CD79A: variants seen among roughly 807,000 people sequenced by gnomAD.
The protein encoded by CD79A is CD79a molecule.
Under a neutral mutation model 27.4 loss-of-function variants are expected in CD79A, and 16 were observed. The observed-to-expected ratio is 0.58, with a 90% CI of 0.40 to 0.89. The LOEUF is 0.89. CD79A is among the 40% of genes least tolerant of loss of function. CD79A has a pLI of 0.00. For missense variants in CD79A, 237 were observed against 299.7 expected (o/e 0.79, Z 1.55); for synonymous variants, 110 against 132.7 (o/e 0.83, Z 1.18).
chr19:41,881,007 C>T lies in CD79A; in HGVS notation c.*27C>T, dbSNP rs552468852. On this transcript the variant is annotated 3_prime_UTR_variant, in exon 5 of 5. Coordinates refer to ENST00000221972, the MANE Select transcript of CD79A (RefSeq NM_001783.4). ...ACCCCTACTCCTGCCAGGCTGCCCC[C>T]GCCTGCTGTGCACCCAGCTCCAGTG... 44 of 1,358,606 alleles carry T rather than the reference C, an allele frequency of 3.2e-5. No homozygotes were observed. Among genetic ancestry groups the T allele is most frequent in the African/African-American group, 8.6e-5 (6 of 70,020 alleles). 84.2% of individuals were successfully genotyped at this position (1,358,606 alleles called of 1,614,324 possible).
chr19:41,879,497 G>T lies in CD79A; in HGVS notation c.380-38G>T. The T allele has an allele frequency of 6.8e-7, 1 of 1,479,632 alleles. No individual in the cohort carries two copies. The highest frequency in any genetic ancestry group is 9.3e-7 in the Non-Finnish European group (1 of 1,071,454). 91.7% of individuals were successfully genotyped at this position (1,479,632 alleles called of 1,614,324 possible). On this transcript the variant is annotated intron_variant, in intron 2 of 4. Transcript: ENST00000221972. This position sits in a 1 kb window ranked among gnomAD's most constrained non-coding sequence, Gnocchi z 5.1. ...GGGGCCAGGAGGCTAGGGAGGGCAA[G>T]AGGGGCCAGGGCTCTGAGCCATACT...
At position 41,880,826 on chromosome 19, in the gene CD79A, G is replaced by A. The variant is rs782310133; in HGVS notation, c.568-41G>A. The A allele has an allele frequency of 7.9e-6, 12 of 1,527,206 alleles. 1 individual carries two copies. The South Asian group carries it at 1.4e-4, about 18-fold the overall frequency. The allele number at this position is 1,527,206 out of a possible 1,614,324, so 94.6% of individuals were successfully genotyped here. A position where few individuals can be genotyped will look rare whatever the true frequency, so the allele number is the denominator to read the frequency against. Reference sequence around the variant, plus strand: ...GGGTGGCTGGGGGCAGGGACCCCAGGTGTCAGGGTGCTGATGTTCGCTGCC... The same window carrying A: ...GGGTGGCTGGGGGCAGGGACCCCAGATGTCAGGGTGCTGATGTTCGCTGCC... On this transcript the variant is annotated intron_variant, in intron 4 of 4. Transcript: ENST00000221972.
At chr19:41,880,495 AGG>A (rs2074216944) in intron 3 of CD79A, among the ~76,000 whole-genome samples, 173 bp from the exon 4 acceptor site, 1 of 149,980 alleles carries the variant, frequency 6.7e-6, no homozygotes, top group African/African-American at 2.5e-5. Context: ...GAAGGAAGGA[AGG>A]AAGGAAGGAG....
rs2074195218 is a variant in CD79A at position 41,877,426 on chromosome 19, CTG to C, written c.79+46_79+47del. On this transcript the variant is annotated intron_variant, in intron 1 of 4. Transcript: ENST00000221972. The surrounding 1 kb of genome is among the most constrained non-coding windows in gnomAD (Gnocchi z 4.1). Reference sequence around the variant, plus strand: ...AGGAACTGGCGGGAGGTGGGGGAAGCTGTGGAGGCTGCAGAGAGGGCACAGGC... The same window carrying C: ...AGGAACTGGCGGGAGGTGGGGGAAGCTGGAGGCTGCAGAGAGGGCACAGGC... 1 of 1,523,436 alleles carries C rather than the reference CTG, an allele frequency of 6.6e-7. No homozygotes were observed. The highest frequency in any genetic ancestry group is 9.1e-7 in the Non-Finnish European group (1 of 1,097,460). 94.4% of individuals were successfully genotyped at this position (1,523,436 alleles called of 1,614,324 possible). A position where few individuals can be genotyped will look rare whatever the true frequency, so the allele number is the denominator to read the frequency against.
chr19:41,879,538 C>A lies in CD79A; in HGVS notation c.383C>A (p.Pro128Gln). Residue 128 changes from proline to glutamine, a missense_variant, in exon 3 of 5, where the codon CCG becomes CAG. Physicochemically the swap from Pro to Gln is moderately conservative, Grantham distance 76 (BLOSUM62 -1). Coordinates refer to ENST00000221972, the MANE Select transcript of CD79A (RefSeq NM_001783.4). The surrounding 1 kb of genome is among the most constrained non-coding windows in gnomAD (Gnocchi z 5.1). ...GAGCCATACTACCTCCTTGCAGAGC[C>A]GCCCCCCAGGCCCTTCCTGGACATG... ...SCGTYLRVRQ[P>Q]PPRPFLDMGE... The A allele has an allele frequency of 6.2e-7, 1 of 1,602,856 alleles. No homozygotes were observed. Among genetic ancestry groups the A allele is most frequent in the Non-Finnish European group, 8.5e-7 (1 of 1,173,362 alleles).
Position 41,881,197 on chromosome 19 carries a change from C to T in CD79A, c.*217C>T, listed in dbSNP as rs888103281. 1 of 610,910 alleles carries T rather than the reference C, an allele frequency of 1.6e-6. No homozygotes were observed. Among genetic ancestry groups the T allele is most frequent in the East Asian group, 2.8e-5 (1 of 36,046 alleles). 37.8% of individuals were successfully genotyped at this position (610,910 alleles called of 1,614,324 possible). ...CTCTTCTTCCCTCTAAACTGCCCCACCTCCTAACCTAATCCCCCCGCCCCG... is the reference window on the plus strand; with the variant it reads ...CTCTTCTTCCCTCTAAACTGCCCCATCTCCTAACCTAATCCCCCCGCCCCG... On this transcript the variant is annotated 3_prime_UTR_variant, in exon 5 of 5. Transcript: ENST00000221972.
Position 41,881,109 on chromosome 19 carries a change from G to A in CD79A, c.*129G>A. On this transcript the variant is annotated 3_prime_UTR_variant, in exon 5 of 5. Coordinates refer to ENST00000221972, the MANE Select transcript of CD79A (RefSeq NM_001783.4). The stretch of plus-strand genomic sequence containing the variant: ...CTTAGTCATATTCCCCCAGTGGGGG[G>A]TGGGAGGGTAACCTCACTCTTCTCC... 1 of 724,324 alleles carries A rather than the reference G, an allele frequency of 1.4e-6. No homozygotes were observed. Among genetic ancestry groups the A allele is most frequent in the East Asian group, 2.7e-5 (1 of 37,290 alleles). The allele number at this position is 724,324 out of a possible 1,614,324, so 44.9% of individuals were successfully genotyped here. A position where few individuals can be genotyped will look rare whatever the true frequency, so the allele number is the denominator to read the frequency against.
chr19:41,879,167 AC>A lies in CD79A; in HGVS notation c.261del (p.Asn88MetfsTer4). ...CCTGAGTTCTTGGGCCCGGGCGAGGACCCCAATGGTACGCTGATCATCCAGA... is the reference window on the plus strand; with the variant it reads ...CCTGAGTTCTTGGGCCCGGGCGAGGACCCAATGGTACGCTGATCATCCAGA... ...WPPEFLGPGE[D>X]PNGTLIIQNV... On this transcript the variant is annotated frameshift_variant, in exon 2 of 5. Transcript: ENST00000221972. LOFTEE classifies it high-confidence loss of function. This position sits in a 1 kb window ranked among gnomAD's most constrained non-coding sequence, Gnocchi z 5.1. 6.2e-7 allele frequency: 1 copy of A among 1,613,618 alleles called. No individual in the cohort carries two copies. The highest frequency in any genetic ancestry group is 8.5e-7 in the Non-Finnish European group (1 of 1,179,918).
In CD79A at chr19:41,878,973, A is replaced by AGG; in HGVS notation, c.80-17_80-16insGG. 1 of 633,014 alleles carries AGG rather than the reference A, an allele frequency of 1.6e-6. No individual in the cohort carries two copies. Among genetic ancestry groups the AGG allele is most frequent in the Non-Finnish European group, 2.9e-6 (1 of 348,490 alleles). The allele number at this position is 633,014 out of a possible 1,614,324, so 39.2% of individuals were successfully genotyped here. ...ACCATCCCCAGTCCCTGACCCACCC[A>AGG]CCCTGTCTCTCCACAGGCCCTGGGT... On this transcript the variant is annotated splice_polypyrimidine_tract_variant and intron_variant, in intron 1 of 4. Transcript: ENST00000221972. This position sits in a 1 kb window ranked among gnomAD's most constrained non-coding sequence, Gnocchi z 4.3.
At position 41,877,389 on chromosome 19, in the gene CD79A, T is replaced by C. The variant is rs377608483; in HGVS notation, c.79+6T>C. 1.8e-5 allele frequency: 29 copies of C among 1,613,016 alleles called. No homozygotes were observed. Among genetic ancestry groups the C allele is most frequent in the Middle Eastern group, 3.3e-4 (2 of 6,060 alleles). On this transcript the variant is annotated splice_donor_region_variant and intron_variant, in intron 1 of 4. Transcript: ENST00000221972. The surrounding 1 kb of genome is among the most constrained non-coding windows in gnomAD (Gnocchi z 4.1). ...GCTGTCTGCTGTCTACCTGGGTATG[T>C]GGCCAAAGGGCAGGAACTGGCGGGA...
intron 3 of CD79A, among the ~76,000 whole-genome samples, chr19:41,880,451 G>GGGAAGGAA (rs782467863): frequency 0.023 from 2,402 of 102,426 alleles, 46 homozygotes; most frequent in East Asian, 0.037. Flanking sequence ...AGGAAGGGAA[G>GGGAAGGAA]GGAAGGAAGG....
At chr19:41,880,219 T>G (rs1011769205) in intron 3 of CD79A, among the ~76,000 whole-genome samples, 3 of 151,148 alleles carry the variant, frequency 2.0e-5, no homozygotes, top group Admixed American at 6.6e-5. Flanking sequence ...ACACACAAAG[T>G]CTTAAAAAAA....
rs370167849 is a variant in CD79A, at chr19:41,879,009, G to A, written c.99G>A (p.Leu33=). The change falls in exon 2 of 5, where the codon CTG becomes CTA. Residue 33 remains leucine, a synonymous_variant. Transcript: ENST00000221972. The surrounding 1 kb of genome is among the most constrained non-coding windows in gnomAD (Gnocchi z 5.1). ...AVYLGPGCQA[L]WMHKVPASLM... ...CCACAGGCCCTGGGTGCCAGGCCCT[G>A]TGGATGCACAAGGTCCCAGCATCAT... 6.3e-7 allele frequency: 1 copy of A among 1,598,046 alleles called. No individual in the cohort carries two copies. Among genetic ancestry groups the A allele is most frequent in the Non-Finnish European group, 8.5e-7 (1 of 1,171,284 alleles).
Position 41,879,061 on chromosome 19 carries a change from C to T in CD79A, c.151C>T (p.His51Tyr), listed in dbSNP as rs1555843473. The change falls in exon 2 of 5, where the codon CAC (histidine) becomes TAC (tyrosine). Residue 51 changes from histidine to tyrosine, a missense_variant. Coordinates refer to ENST00000221972, the MANE Select transcript of CD79A (RefSeq NM_001783.4). The surrounding 1 kb of genome is among the most constrained non-coding windows in gnomAD (Gnocchi z 5.1). ...SLMVSLGEDA[H>Y]FQCPHNSSNN... The stretch of plus-strand genomic sequence containing the variant: ...GATGGTGAGCCTGGGGGAAGACGCC[C>T]ACTTCCAATGCCCGCACAATAGCAG... The T allele has an allele frequency of 6.2e-7, 1 of 1,613,946 alleles. No homozygotes were observed. The highest frequency in any genetic ancestry group is 2.2e-5 in the East Asian group (1 of 44,878).
Position 41,879,298 on chromosome 19 carries a change from C to T in CD79A, c.379+9C>T, listed in dbSNP as rs1707552593. The T allele has an allele frequency of 1.2e-6, 2 of 1,610,112 alleles. No homozygotes were observed. The highest frequency in any genetic ancestry group is 1.3e-5 in the African/African-American group (1 of 74,894). On this transcript the variant is annotated intron_variant, in intron 2 of 4. Coordinates refer to ENST00000221972, the MANE Select transcript of CD79A (RefSeq NM_001783.4). The surrounding 1 kb of genome is among the most constrained non-coding windows in gnomAD (Gnocchi z 5.1). ...CTACCTCCGCGTGCGCCGTGAGTGG[C>T]CCAGCCCTGGCCCCTACTCCCACTG...
rs146622011 is a variant in CD79A at position 41,877,589 on chromosome 19, G to A, written c.79+206G>A. ...GGGAGCCCAGCGAAGGAGAAGGGGC[G>A]TCCACAGTCTCACACAGGGAGGCAG... On this transcript the variant is annotated intron_variant, in intron 1 of 4. Transcript: ENST00000221972. This position sits in a 1 kb window ranked among gnomAD's most constrained non-coding sequence, Gnocchi z 4.1. Among the ~76,000 whole-genome samples the A allele has an allele frequency of 1.9e-4, 29 of 152,248 alleles. No individual in the cohort carries two copies. In the East Asian group the frequency reaches 3.7e-3, roughly 19 times the overall value.
rs782748222 is a variant in CD79A, at chr19:41,879,685, G to A, written c.498+32G>A. On this transcript the variant is annotated intron_variant, in intron 3 of 4. Transcript: ENST00000221972. The surrounding 1 kb of genome is among the most constrained non-coding windows in gnomAD (Gnocchi z 5.1). ...CCCCTCGGACCTCTGAGTCAGCCGG[G>A]CGAGGGCCTGGGCCGAGGGACCCCC... 37 of 1,482,152 alleles carry A rather than the reference G, an allele frequency of 2.5e-5. No individual in the cohort carries two copies. Among genetic ancestry groups the A allele is most frequent in the Non-Finnish European group, 3.4e-5 (36 of 1,063,462 alleles). 91.8% of individuals were successfully genotyped at this position (1,482,152 alleles called of 1,614,324 possible). A position where few individuals can be genotyped will look rare whatever the true frequency, so the allele number is the denominator to read the frequency against.
chr19:41,880,645 G>GCGGGGGGCCC, intron 3 of CD79A, 25 bp from the exon 4 acceptor site: 2 of 1,134,300 alleles, frequency 1.8e-6, no homozygotes, highest in Non-Finnish European at 2.6e-6. Flanking sequence ...GCTCACTGAG[G>GCGGGGGGCCC]CACCCACCCC....
chr19:41,880,469 GAA>G (rs1555843990), intron 3 of CD79A, among the ~76,000 whole-genome samples, 199 bp from the exon 4 acceptor site: 1 of 147,404 alleles, frequency 6.8e-6, no homozygotes, highest in African/African-American at 2.6e-5. Context: ...AGGAAGGAAG[GAA>G]GGAAGGAAGG....
Sources: gnomAD v4.1 joint callset for allele counts (sites outside exome capture counted in the v4.1 genomes callset) on GRCh38, gnomAD v4.1.1 for gene constraint, Gnocchi (gnomAD v3.1) non-coding constraint, MANE v1.5 for transcripts, NCBI Gene and HGNC (gene_info 2026-07-23, HGNC 2026-07-21) for gene names.